CBFA2T2: variants seen among roughly 807,000 people sequenced by gnomAD.
CBFA2T2 encodes protein CBFA2T2.
Under a neutral mutation model 62.2 loss-of-function variants are expected in CBFA2T2, and 11 were observed. The observed-to-expected ratio is 0.18, with a 90% CI of 0.11 to 0.29. The LOEUF (loss-of-function observed/expected upper bound fraction) is 0.29. Ranked by LOEUF, CBFA2T2 falls within the 10% of genes least tolerant of loss-of-function variation. CBFA2T2 has a pLI of 1.00. For missense variants in CBFA2T2, 592 were observed against 774.1 expected, an observed-to-expected ratio of 0.76 and a Z score of 2.79; for synonymous variants, 295 against 287.5, an observed-to-expected ratio of 1.03 and a Z score of -0.27.
At chr20:33,593,684 C>T (rs960109253) in intron 1 of CBFA2T2, among the ~76,000 whole-genome samples, 14 of 152,148 alleles carry the variant, frequency 9.2e-5, no homozygotes, top group East Asian at 1.9e-4. Flanking sequence ...TGAGCCAACA[C>T]GCCCAACCTT....
chr20:33,511,431 A>G (rs2146854590), intron 1 of CBFA2T2, among the ~76,000 whole-genome samples: 1 of 152,280 alleles, frequency 6.6e-6, no homozygotes, highest in Non-Finnish European at 1.5e-5. Context: ...GGTTTGTCAA[A>G]GATCAGATGG....
At chr20:33,508,925 G>A (rs1437120450) in intron 1 of CBFA2T2, among the ~76,000 whole-genome samples, 1 of 152,192 alleles carries the variant, frequency 6.6e-6, no homozygotes, top group Admixed American at 6.5e-5. Context: ...GAGTTTGGCC[G>A]TGTGTGGAGC....
chr20:33,514,486 T>TA (rs1461115610), intron 1 of CBFA2T2, among the ~76,000 whole-genome samples: 3 of 151,612 alleles, frequency 2.0e-5, no homozygotes, highest in Non-Finnish European at 4.4e-5. Flanking sequence ...ACATGCTTGA[T>TA]ATGTTTAAAG....
intron 1 of CBFA2T2, among the ~76,000 whole-genome samples, chr20:33,497,274 C>CAAA (rs34528525): frequency 0.023 from 1,303 of 57,182 alleles, 20 homozygotes; most frequent in East Asian, 0.075. Context: ...ACCCTGTCTC[C>CAAA]AAAAAAAAAA....
chr20:33,505,254 C>G (rs2011382690), intron 1 of CBFA2T2, among the ~76,000 whole-genome samples: 1 of 152,180 alleles, frequency 6.6e-6, no homozygotes, highest in African/African-American at 2.4e-5. Flanking sequence ...CCAGTCCTTT[C>G]TTTTACCTCA....
At chr20:33,579,003 A>G (rs902715059) in intron 1 of CBFA2T2, among the ~76,000 whole-genome samples, 1 of 152,114 alleles carries the variant, frequency 6.6e-6, no homozygotes, top group African/African-American at 2.4e-5. Context: ...GAGCAGTGGA[A>G]TGGGTGGTGG....
intron 1 of CBFA2T2, among the ~76,000 whole-genome samples, chr20:33,555,110 C>G (rs1024295335): frequency 6.6e-6 from 1 of 152,164 alleles, no homozygotes; most frequent in African/African-American, 2.4e-5. Context: ...TTGGCTGTAG[C>G]TAGGCACTTG....
chr20:33,627,921 ATTTT>A, intron 6 of CBFA2T2, among the ~76,000 whole-genome samples: 1 of 152,282 alleles, frequency 6.6e-6, no homozygotes, highest in East Asian at 1.9e-4. Flanking sequence ...CACCAAAAAA[ATTTT>A]TTTAAGTTAC....
intron 1 of CBFA2T2, among the ~76,000 whole-genome samples, chr20:33,553,898 T>C (rs1224142641): frequency 6.6e-6 from 1 of 152,074 alleles, no homozygotes; most frequent in Admixed American, 6.5e-5. Context: ...CAATCTTAAA[T>C]ATATTAATTA....
At chr20:33,514,217 T>TG (rs1461314060) in intron 1 of CBFA2T2, among the ~76,000 whole-genome samples, 6 of 130,038 alleles carry the variant, frequency 4.6e-5, no homozygotes, top group African/African-American at 1.1e-4. Context: ...TTTTTTTTTT[T>TG]TTTTTTTTTT....
chr20:33,626,640 A>G (rs970314288), intron 6 of CBFA2T2, among the ~76,000 whole-genome samples: 7 of 152,234 alleles, frequency 4.6e-5, no homozygotes, highest in East Asian at 1.9e-4. Context: ...CCAAAGGGCT[A>G]TCAGCTTCCA....
At chr20:33,521,042 GTCTT>G (rs2011717367) in intron 1 of CBFA2T2, among the ~76,000 whole-genome samples, 1 of 149,852 alleles carries the variant, frequency 6.7e-6, no homozygotes, top group Non-Finnish European at 1.5e-5. Context: ...ATATTGATGA[GTCTT>G]TCTTAATGGG....
intron 6 of CBFA2T2, among the ~76,000 whole-genome samples, chr20:33,625,606 C>T (rs377453055): frequency 3.3e-5 from 5 of 152,366 alleles, no homozygotes; most frequent in African/African-American, 1.2e-4. Context: ...ATTCTTTGTG[C>T]TCCTTTTGCA....
intron 9 of CBFA2T2, among the ~76,000 whole-genome samples, chr20:33,638,561 C>T (rs1345487792): frequency 2.0e-5 from 3 of 152,090 alleles, no homozygotes; most frequent in Non-Finnish European, 4.4e-5. Flanking sequence ...AGTTCTTGGC[C>T]TCTGGGGTGA....
intron 1 of CBFA2T2, among the ~76,000 whole-genome samples, chr20:33,547,224 G>A (rs544779534): frequency 9.2e-5 from 14 of 151,820 alleles, no homozygotes; most frequent in Middle Eastern, 3.4e-3. Context: ...AAAAAAGACC[G>A]GAAATAAAAA....
chr20:33,495,470 G>A lies in CBFA2T2; in HGVS notation c.34+5169G>A, dbSNP rs182126715. ...TGGGAGGCTGAGGTGGGCGGATCAC[G>A]AGGTCAGGAGTTCAAGACCAGCCTG... is the stretch of plus-strand genomic sequence containing the variant. On this transcript the variant is annotated intron_variant, in intron 1 of 10. Coordinates refer to ENST00000342704, the MANE Select transcript of CBFA2T2 (RefSeq NM_001032999.3). Among the ~76,000 whole-genome samples the A allele has an allele frequency of 1.2e-4, 18 of 150,504 alleles. No individual in the cohort carries two copies. The East Asian group carries it at 1.8e-3, about 15-fold the overall frequency.
At chr20:33,561,957 T>C (rs2013104524) in intron 1 of CBFA2T2, among the ~76,000 whole-genome samples, 1 of 152,204 alleles carries the variant, frequency 6.6e-6, no homozygotes, top group Non-Finnish European at 1.5e-5. Context: ...ATATTTTTCA[T>C]CCAATTATAT....
At chr20:33,615,319 C>T (rs2015665991) in intron 3 of CBFA2T2, among the ~76,000 whole-genome samples, 1 of 152,116 alleles carries the variant, frequency 6.6e-6, no homozygotes, top group Non-Finnish European at 1.5e-5. Context: ...ATGTTTTGTG[C>T]TTCACTTACT....
At chr20:33,546,247 A>G (rs2012563980) in intron 1 of CBFA2T2, among the ~76,000 whole-genome samples, 2 of 152,144 alleles carry the variant, frequency 1.3e-5, no homozygotes, top group Admixed American at 6.5e-5. Context: ...TTGTTTTTAT[A>G]TAGGATAAAT....
Sources: allele counts gnomAD v4.1 joint callset (sites outside exome capture counted in the v4.1 genomes callset), GRCh38; gene constraint gnomAD v4.1.1; transcripts MANE v1.5; gene names NCBI Gene and HGNC (gene_info 2026-07-23, HGNC 2026-07-21).